MARCHF10: variants seen among roughly 807,000 people sequenced by gnomAD.
The protein encoded by MARCHF10 is probable E3 ubiquitin-protein ligase MARCHF10.
MARCHF10 carries 64 observed loss-of-function variants against 76.2 expected under a neutral mutation model. The observed-to-expected ratio is 0.84, with a 90% CI of 0.69 to 1.03. The LOEUF (loss-of-function observed/expected upper bound fraction) is 1.03. Among genes scored for constraint, MARCHF10 ranks in the 50% least tolerant of loss-of-function variants. The pLI is 0.00. For synonymous variants in MARCHF10, 340 were observed against 357.5 expected (o/e 0.95, Z 0.55); for missense variants, 875 against 958.0 (o/e 0.91, Z 1.14).
chr17:62,795,664 C>A (rs2092972874), intron 2 of MARCHF10, among the ~76,000 whole-genome samples: 1 of 152,176 alleles, frequency 6.6e-6, no homozygotes, highest in South Asian at 2.1e-4. Flanking sequence ...TAGGCTGTAG[C>A]AGGAATGGTT....
chr17:62,767,300 T>C lies in MARCHF10; in HGVS notation c.211-7294A>G, dbSNP rs139185812. 1.4e-4 allele frequency among the ~76,000 whole-genome samples: 22 copies of C among 152,306 alleles called. No individual in the cohort carries two copies. The East Asian group carries it at 2.9e-3, about 20-fold the overall frequency. On this transcript the variant is annotated intron_variant, in intron 3 of 10. Coordinates refer to ENST00000311269, the MANE Select transcript of MARCHF10 (RefSeq NM_152598.4). ...TCAAATAATCTCTTTGTGGTTTCAA[T>C]GGTTTATTTTTGTAAAGCATAATTC...
chr17:62,742,886 G>A (rs1162047343), intron 5 of MARCHF10, among the ~76,000 whole-genome samples: 2 of 151,836 alleles, frequency 1.3e-5, no homozygotes, highest in East Asian at 1.9e-4. Context: ...TTCCACCTCC[G>A]CCTCCTATAG....
chr17:62,750,983 C>T (rs1173785580), intron 4 of MARCHF10, among the ~76,000 whole-genome samples: 1 of 152,204 alleles, frequency 6.6e-6, no homozygotes, highest in African/African-American at 2.4e-5. Flanking sequence ...ATGCCCTGAT[C>T]TGGCCTTTCT....
chr17:62,757,207 T>C (rs945901231), intron 4 of MARCHF10, among the ~76,000 whole-genome samples: 1 of 152,178 alleles, frequency 6.6e-6, no homozygotes, highest in Non-Finnish European at 1.5e-5. Context: ...ATTAGGCAGA[T>C]GTTGCGAAGG....
chr17:62,751,376 G>A (rs1224416072), intron 4 of MARCHF10, among the ~76,000 whole-genome samples: 2 of 151,994 alleles, frequency 1.3e-5, no homozygotes, highest in Non-Finnish European at 2.9e-5. Context: ...ATGTCACCTG[G>A]GACTTCTTAG....
In MARCHF10 at chr17:62,711,456, A is replaced by G; in HGVS notation, c.2215-112T>C. ...TGACAAGAACTGGGAGAAGAGCCCA[A>G]GCTCCAAGGCAAGGCCTGCTCTTGG... On this transcript the variant is annotated intron_variant, in intron 8 of 10. Transcript: ENST00000311269. This position sits in a 1 kb window ranked among gnomAD's most constrained non-coding sequence, Gnocchi z 4.4. The G allele has an allele frequency of 3.1e-6, 3 of 980,754 alleles. No individual in the cohort carries two copies. Among genetic ancestry groups the G allele is most frequent in the Non-Finnish European group, 4.6e-6 (3 of 646,116 alleles). The allele number at this position is 980,754 out of a possible 1,614,324, so 60.8% of individuals were successfully genotyped here.
intron 4 of MARCHF10, among the ~76,000 whole-genome samples, chr17:62,758,986 A>G (rs1373446206): frequency 6.6e-6 from 1 of 152,214 alleles, no homozygotes; most frequent in Non-Finnish European, 1.5e-5. Context: ...TCTGGATACT[A>G]TTAAATCACT....
At position 62,792,793 on chromosome 17, in the gene MARCHF10, CCACCACCACCTCCAT is replaced by C. The variant is rs1396448027; in HGVS notation, c.91-4209_91-4195del. ...ATCACTACCACCACCACCTCCATCA[CCACCACCACCTCCAT>C]CACCACCACCACCACCTCCACTGCC... On this transcript the variant is annotated intron_variant, in intron 2 of 10. Coordinates refer to ENST00000311269, the MANE Select transcript of MARCHF10 (RefSeq NM_152598.4). 1.9e-3 allele frequency among the ~76,000 whole-genome samples: 244 copies of C among 130,948 alleles called. 3 individuals carry two copies. Among genetic ancestry groups the C allele is most frequent in the African/African-American group, 6.8e-3 (226 of 33,156 alleles). 85.9% of individuals were successfully genotyped at this position (130,948 alleles called of 152,430 possible).
rs3214287 is a variant in MARCHF10 at position 62,701,396 on chromosome 17, C to CA, written c.*306dup. ...AGTGAGGCCTGGCAGGTGCCCTCAG[C>CA]AGTGGGACCCCAGGCCACTGGACCT... On this transcript the variant is annotated 3_prime_UTR_variant, in exon 11 of 11. Transcript: ENST00000311269. 186 of 469,956 alleles carry CA rather than the reference C, an allele frequency of 4.0e-4. No individual in the cohort carries two copies. The East Asian group carries it at 6.9e-3, about 17-fold the overall frequency. The allele number at this position is 469,956 out of a possible 1,614,324, so 29.1% of individuals were successfully genotyped here.
chr17:62,724,627 C>T (rs1009816976), intron 7 of MARCHF10, among the ~76,000 whole-genome samples: 2 of 152,088 alleles, frequency 1.3e-5, no homozygotes, highest in Admixed American at 6.5e-5. Flanking sequence ...TCCTGAGAGG[C>T]GATCTTAGCA....
rs1043606745 is a variant in MARCHF10 at position 62,724,866 on chromosome 17, G to A, written c.2104+72C>T. The A allele has an allele frequency of 5.2e-6, 8 of 1,545,974 alleles. No homozygotes were observed. The African/African-American group carries it at 5.5e-5, about 11-fold the overall frequency. On this transcript the variant is annotated intron_variant, in intron 7 of 10. Transcript: ENST00000311269. ...GAGAGTGAGCTGATGACAAGGCTCC[G>A]GGGCCCACACCGTGGTGCCTCATGT...
intron 9 of MARCHF10, among the ~76,000 whole-genome samples, chr17:62,707,169 G>A (rs1234925846): frequency 6.6e-6 from 1 of 152,158 alleles, no homozygotes; most frequent in East Asian, 1.9e-4. Context: ...GGCTGCCCAA[G>A]TTCTCCTCCC....
Position 62,742,053 on chromosome 17 carries a change from G to C in MARCHF10, c.535+2323C>G, listed in dbSNP as rs553647840. 6.8e-4 allele frequency among the ~76,000 whole-genome samples: 82 copies of C among 120,580 alleles called. 1 individual carries two copies. Among genetic ancestry groups the C allele is most frequent in the African/African-American group, 2.6e-3 (77 of 29,698 alleles). 79.1% of individuals were successfully genotyped at this position (120,580 alleles called of 152,430 possible). ...TTTTTTTTTGAGATGGAGTCTCACT[G>C]TGTCACTCAAGCTGGAATGCAGTAG... On this transcript the variant is annotated intron_variant, in intron 5 of 10. Transcript: ENST00000311269.
intron 3 of MARCHF10, among the ~76,000 whole-genome samples, chr17:62,788,158 T>A (rs1413284231): frequency 1.3e-5 from 2 of 152,154 alleles, no homozygotes; most frequent in South Asian, 2.1e-4. Flanking sequence ...CCTCCAACTC[T>A]TATAGAGTTG....
chr17:62,717,024 T>G (rs1172868773), intron 8 of MARCHF10, among the ~76,000 whole-genome samples: 2 of 152,248 alleles, frequency 1.3e-5, no homozygotes, highest in Non-Finnish European at 2.9e-5. Flanking sequence ...CAGCTGGGCT[T>G]GTCCCCTCAG....
intron 8 of MARCHF10, among the ~76,000 whole-genome samples, chr17:62,721,065 C>G (rs1372665666): frequency 2.0e-5 from 3 of 151,886 alleles, no homozygotes; most frequent in Admixed American, 2.0e-4. Flanking sequence ...ATGGGGGTTT[C>G]GCTGTGTTGG....
chr17:62,702,719 T>C (rs2089319271), intron 10 of MARCHF10, among the ~76,000 whole-genome samples: 1 of 152,148 alleles, frequency 6.6e-6, no homozygotes, highest in African/African-American at 2.4e-5. Context: ...CTGCCTGTTG[T>C]GGAAGAAACT....
chr17:62,704,929 C>G, intron 10 of MARCHF10: 1 of 984,100 alleles, frequency 1.0e-6, no homozygotes, highest in Non-Finnish European at 1.2e-6. Context: ...CTTTATTAAG[C>G]ACGTTTTTCT....
chr17:62,745,900 C>A (rs193015348), intron 4 of MARCHF10, among the ~76,000 whole-genome samples: 1 of 152,136 alleles, frequency 6.6e-6, no homozygotes, highest in Admixed American at 6.5e-5. Context: ...AATATCTGGA[C>A]GAAATTCCCC....
Sources: allele counts gnomAD v4.1 joint callset (sites outside exome capture counted in the v4.1 genomes callset), GRCh38; gene constraint gnomAD v4.1.1; non-coding constraint Gnocchi (gnomAD v3.1); transcripts MANE v1.5; gene names NCBI Gene and HGNC (gene_info 2026-07-23, HGNC 2026-07-21).